Variants in TNPO1 observed in about 807,000 individuals in gnomAD.
TNPO1 encodes transportin 1.
In TNPO1, 8 loss-of-function variants were observed where a neutral mutation model predicts 119.5. That is an observed-to-expected ratio of 0.07 (90% CI 0.04 to 0.12). The LOEUF (loss-of-function observed/expected upper bound fraction) is 0.12, where lower values mean the gene tolerates loss of function less well. Ranked by LOEUF, TNPO1 falls within the 10% of genes least tolerant of loss-of-function variation. The pLI is 1.00. For missense variants in TNPO1, 576 were observed against 1,089.8 expected (o/e 0.53, Z 6.64); for synonymous variants, 362 against 363.0 (o/e 1.00, Z 0.03).
chr5:72,878,739 T>TA lies in TNPO1; in HGVS notation c.920+1394dup, dbSNP rs1209295174. 1.6e-5 allele frequency: 4 copies of TA among 248,670 alleles called. No individual in the cohort carries two copies. In the East Asian group the frequency reaches 4.5e-4, roughly 28 times the overall value. The allele number at this position is 248,670 out of a possible 1,614,324, so 15.4% of individuals were successfully genotyped here. A position where few individuals can be genotyped will look rare whatever the true frequency, so the allele number is the denominator to read the frequency against. ...TTACTTTGTAATGCCACTTTAATGA[T>TA]ACGTTTGAGTTTCTGTGGGGTCATA... On this transcript the variant is annotated intron_variant, in intron 9 of 24. Transcript: ENST00000337273.
chr5:72,865,147 A>G (rs7734148), intron 5 of TNPO1, among the ~76,000 whole-genome samples: 73,894 of 152,044 alleles, frequency 0.49, 19,127 homozygotes, highest in Admixed American at 0.62. Context: ...ATTTGTTTTA[A>G]AATTGAATAT....
intron 18 of TNPO1, among the ~76,000 whole-genome samples, chr5:72,895,480 G>A (rs1222122707): frequency 6.6e-6 from 1 of 151,876 alleles, no homozygotes; most frequent in Non-Finnish European, 1.5e-5. Flanking sequence ...TGCTGGAGAG[G>A]TGCCATTGAT....
chr5:72,869,807 CAG>C (rs1326172089), intron 6 of TNPO1, among the ~76,000 whole-genome samples: 4 of 152,196 alleles, frequency 2.6e-5, no homozygotes, highest in East Asian at 3.9e-4. Context: ...TAGTATCAGA[CAG>C]ATCTAATTAA....
chr5:72,843,650 T>G (rs1185725231), intron 1 of TNPO1, among the ~76,000 whole-genome samples: 2 of 151,738 alleles, frequency 1.3e-5, no homozygotes, highest in South Asian at 2.1e-4. Flanking sequence ...TGAAGGACAA[T>G]TGTACCTTGT....
At chr5:72,886,937 C>A in intron 11 of TNPO1, 133 bp from the exon 12 acceptor site, 101 of 353,096 alleles carry the variant, frequency 2.9e-4, no homozygotes, top group East Asian at 5.3e-4. Context: ...ACGTGACAAA[C>A]TACCTCCTAT....
At chr5:72,897,408 G>T (rs1749509919) in intron 20 of TNPO1, among the ~76,000 whole-genome samples, 1 of 151,978 alleles carries the variant, frequency 6.6e-6, no homozygotes, top group Non-Finnish European at 1.5e-5. Context: ...TCCTGCAATG[G>T]ATCCCAGCAA....
At chr5:72,898,699 T>C (rs1749616063) in intron 20 of TNPO1, among the ~76,000 whole-genome samples, 1 of 152,174 alleles carries the variant, frequency 6.6e-6, no homozygotes, top group South Asian at 2.1e-4. Context: ...ACTTTTTCAA[T>C]GGACCATCAT....
chr5:72,889,676 C>A, intron 13 of TNPO1, 110 bp from the exon 14 acceptor site: 2 of 1,227,416 alleles, frequency 1.6e-6, no homozygotes, highest in Non-Finnish European at 1.1e-6. Flanking sequence ...ATGGCTTAGA[C>A]CATTTTAGGA....
At chr5:72,846,077 T>C (rs1745112402) in intron 1 of TNPO1, among the ~76,000 whole-genome samples, 1 of 152,224 alleles carries the variant, frequency 6.6e-6, no homozygotes, top group South Asian at 2.1e-4. Flanking sequence ...AACATTCATA[T>C]TGTTGGCGTG....
intron 1 of TNPO1, among the ~76,000 whole-genome samples, chr5:72,836,416 T>G (rs1744697135): frequency 6.6e-6 from 1 of 152,202 alleles, no homozygotes; most frequent in Non-Finnish European, 1.5e-5. Flanking sequence ...GGAGGGGTGG[T>G]CTGAGCTGCA....
intron 10 of TNPO1, 40 bp downstream of exon 10, chr5:72,882,567 A>G (rs745577457): frequency 8.4e-6 from 12 of 1,432,418 alleles, no homozygotes; most frequent in East Asian, 2.3e-5. Flanking sequence ...CAAGATTTTT[A>G]TATTGACTTA....
intron 23 of TNPO1, 119 bp downstream of exon 23, chr5:72,903,902 T>A (rs1336870785): frequency 1.6e-6 from 1 of 644,038 alleles, no homozygotes. Context: ...ATTGATAGTT[T>A]ACATATATAA....
intron 9 of TNPO1, among the ~76,000 whole-genome samples, chr5:72,878,020 T>C (rs542797187): frequency 1.3e-5 from 2 of 152,304 alleles, no homozygotes; most frequent in African/African-American, 4.8e-5. Flanking sequence ...GGTTTGTTCT[T>C]TTCAGTTATT....
At chr5:72,884,311 T>A (rs1374515652) in intron 11 of TNPO1, among the ~76,000 whole-genome samples, 1 of 152,176 alleles carries the variant, frequency 6.6e-6, no homozygotes, top group Non-Finnish European at 1.5e-5. Flanking sequence ...CTGGTGGACC[T>A]GCTCTTATTT....
intron 9 of TNPO1, 144 bp downstream of exon 9, chr5:72,877,490 A>G (rs1381060399): frequency 2.1e-6 from 1 of 475,612 alleles, no homozygotes; most frequent in Non-Finnish European, 3.7e-6. Context: ...GTTGGTAAAG[A>G]GATTTTTCAA....
chr5:72,847,713 AT>A (rs934179142), intron 1 of TNPO1, among the ~76,000 whole-genome samples: 8 of 152,066 alleles, frequency 5.3e-5, no homozygotes, highest in African/African-American at 1.7e-4. Flanking sequence ...CAGAAATGCA[AT>A]TTTTTTTAAG....
rs145677803 is a variant in TNPO1, at chr5:72,860,238, A to G, written c.356-1570A>G. Among the ~76,000 whole-genome samples the G allele has an allele frequency of 2.1e-3, 317 of 152,256 alleles. 3 individuals are homozygous for G. The highest frequency in any genetic ancestry group is 7.1e-3 in the African/African-American group (295 of 41,540). The stretch of plus-strand genomic sequence containing the variant: ...GTTTACTAGATGCCAGGCATTTTCT[A>G]TATATCCAATTGAATTTTCAAAATA... On this transcript the variant is annotated intron_variant, in intron 4 of 24. Coordinates refer to ENST00000337273, the MANE Select transcript of TNPO1 (RefSeq NM_002270.4).
At chr5:72,838,857 G>C (rs1744801263) in intron 1 of TNPO1, among the ~76,000 whole-genome samples, 1 of 152,060 alleles carries the variant, frequency 6.6e-6, no homozygotes, top group African/African-American at 2.4e-5. Flanking sequence ...AGCAATTTTT[G>C]GCAAGTGACT....
At chr5:72,831,493 T>G (rs922038840) in intron 1 of TNPO1, among the ~76,000 whole-genome samples, 5 of 152,034 alleles carry the variant, frequency 3.3e-5, no homozygotes, top group Non-Finnish European at 7.4e-5. Context: ...CTGTATTTTT[T>G]ACTTAGTATT....
Sources: allele counts gnomAD v4.1 joint callset (sites outside exome capture counted in the v4.1 genomes callset), GRCh38; gene constraint gnomAD v4.1.1; transcripts MANE v1.5; gene names NCBI Gene and HGNC (gene_info 2026-07-23, HGNC 2026-07-21).